DNAH11: variants seen among roughly 807,000 people sequenced by gnomAD.
The protein encoded by DNAH11 is dynein axonemal heavy chain 11.
A neutral mutation model predicts 526.0 loss-of-function variants in DNAH11; 442 were observed. That is an observed-to-expected ratio of 0.84 (90% CI 0.78 to 0.91). DNAH11 has a LOEUF of 0.91. Ranked by LOEUF, DNAH11 falls within the 40% of genes least tolerant of loss-of-function variation. DNAH11 has a pLI of 0.00. For missense variants in DNAH11, 6,989 were observed against 5,448.7 expected (o/e 1.28, Z -8.90); for synonymous variants, 2,461 against 1,935.9 (o/e 1.27, Z -7.12).
Position 21,690,869 on chromosome 7 carries a change from A to G in DNAH11, c.6029A>G (p.Lys2010Arg), listed in dbSNP as rs183609678. 2.8e-5 allele frequency: 45 copies of G among 1,611,986 alleles called. No homozygotes were observed. The African/African-American group carries it at 4.4e-4, about 16-fold the overall frequency. Residue 2010 changes from lysine (K) to arginine (R), a missense_variant, in exon 35 of 82, where the codon AAA (lysine) becomes AGA (arginine). Transcript: ENST00000409508. ...AGRTELPENL[K>R]ALFRPCAMVA... ...CGAACCGAATTACCGGAAAATCTCA[A>G]AGCTCTTTTCAGGCAAGTGTTATGC...
chr7:21,578,231 A>T (rs1393450541), intron 8 of DNAH11, among the ~76,000 whole-genome samples: 3 of 152,236 alleles, frequency 2.0e-5, no homozygotes, highest in Non-Finnish European at 4.4e-5. Context: ...GTTATCCAAG[A>T]TACAATGAAG....
At chr7:21,601,365 G>C (rs1205270323) in intron 17 of DNAH11, 31 bp from the exon 18 acceptor site, 1 of 1,571,096 alleles carries the variant, frequency 6.4e-7, no homozygotes, top group South Asian at 1.2e-5. Context: ...AACTTAATTT[G>C]TGTGTATCTA....
chr7:21,867,585 A>G (rs557194747), intron 71 of DNAH11, among the ~76,000 whole-genome samples: 1 of 152,208 alleles, frequency 6.6e-6, no homozygotes, highest in Non-Finnish European at 1.5e-5. Flanking sequence ...ACAAAGCCAT[A>G]GCAGACAGCT....
intron 65 of DNAH11, among the ~76,000 whole-genome samples, chr7:21,827,158 A>G (rs944233655): frequency 6.6e-6 from 1 of 152,250 alleles, no homozygotes; most frequent in Non-Finnish European, 1.5e-5. Flanking sequence ...CCCACACAGT[A>G]GATACCACTG....
rs561203964 is a variant in DNAH11, at chr7:21,635,948, A to C, written c.4578A>C (p.Leu1526Phe). Reference sequence around the variant, plus strand: ...AAGTGTTAAGCTGGCAAAATAAATTAAACATAGCAGACTTGGTCATCTTCA... The same window carrying C: ...AAGTGTTAAGCTGGCAAAATAAATTCAACATAGCAGACTTGGTCATCTTCA... ...IEQVLSWQNK[L>F]NIADLVIFTW... The change falls in exon 26 of 82, where the codon TTA becomes TTC. Residue 1526 changes from leucine (L) to phenylalanine (F), a missense_variant. Transcript: ENST00000409508. The C allele has an allele frequency of 2.5e-6, 4 of 1,613,488 alleles. No individual in the cohort carries two copies. The East Asian group carries it at 8.9e-5, about 36-fold the overall frequency.
At chr7:21,568,280 C>A (rs1783752091) in intron 6 of DNAH11, among the ~76,000 whole-genome samples, 1 of 152,034 alleles carries the variant, frequency 6.6e-6, no homozygotes, top group Non-Finnish European at 1.5e-5. Context: ...GTGCTGGTAC[C>A]ATTGAGTGTG....
At chr7:21,781,583 C>A (rs1184257241) in intron 57 of DNAH11, among the ~76,000 whole-genome samples, 1 of 152,168 alleles carries the variant, frequency 6.6e-6, no homozygotes, top group Non-Finnish European at 1.5e-5. Flanking sequence ...GCGCTAATAT[C>A]ATCTCTTCAA....
At chr7:21,656,244 T>C (rs1056811301) in intron 29 of DNAH11, among the ~76,000 whole-genome samples, 1 of 152,136 alleles carries the variant, frequency 6.6e-6, no homozygotes. Context: ...CTGTCACAGA[T>C]TGAATGAGTG....
chr7:21,849,765 G>A (rs1298808059), intron 66 of DNAH11, among the ~76,000 whole-genome samples: 2 of 151,918 alleles, frequency 1.3e-5, no homozygotes, highest in South Asian at 2.1e-4. Flanking sequence ...GATATTATGC[G>A]GTTTGAATAT....
chr7:21,601,624 T>A lies in DNAH11; in HGVS notation c.3648+6T>A. Reference sequence around the variant, plus strand: ...AGGTCTATATTCAGCTAGAGGTAAGTGCAGAGGTGAAATAATCATAATTAC... The same window carrying A: ...AGGTCTATATTCAGCTAGAGGTAAGAGCAGAGGTGAAATAATCATAATTAC... On this transcript the variant is annotated splice_donor_region_variant and intron_variant, in intron 18 of 81. Transcript: ENST00000409508. 2 of 1,540,448 alleles carry A rather than the reference T, an allele frequency of 1.3e-6. No individual in the cohort carries two copies. The highest frequency in any genetic ancestry group is 1.8e-6 in the Non-Finnish European group (2 of 1,141,378).
chr7:21,671,359 G>A (rs895488256), intron 30 of DNAH11, among the ~76,000 whole-genome samples: 1 of 152,084 alleles, frequency 6.6e-6, no homozygotes, highest in African/African-American at 2.4e-5. Context: ...GAGACTGCAT[G>A]GCCTACAAAT....
At chr7:21,896,252 G>A (rs1355107036) in intron 79 of DNAH11, among the ~76,000 whole-genome samples, 1 of 152,044 alleles carries the variant, frequency 6.6e-6, no homozygotes, top group Non-Finnish European at 1.5e-5. Context: ...TTTTTTATCA[G>A]AGTATAAAAT....
In DNAH11 at chr7:21,816,552, T is replaced by C. The variant is rs1283113333; in HGVS notation, c.10418T>C (p.Leu3473Pro). 1.9e-6 allele frequency: 3 copies of C among 1,613,104 alleles called. No individual in the cohort carries two copies. The highest frequency in any genetic ancestry group is 1.7e-5 in the Admixed American group (1 of 59,842). Reference sequence around the variant, plus strand: ...ATTGCCGCCTGGAATAACGAAGGACTGCCCAGTGACAGAATGTCCACCGAA... The same window carrying C: ...ATTGCCGCCTGGAATAACGAAGGACCGCCCAGTGACAGAATGTCCACCGAA... ...ATIAAWNNEG[L>P]PSDRMSTENA... Residue 3473 changes from leucine (L) to proline (P), a missense_variant, in exon 64 of 82, where the codon CTG becomes CCG. Coordinates refer to ENST00000409508, the MANE Select transcript of DNAH11 (RefSeq NM_001277115.2).
In DNAH11 at chr7:21,711,781, C is replaced by T. The variant is rs759836854; in HGVS notation, c.6904C>T (p.His2302Tyr). Reference sequence around the variant, plus strand: ...CATGAGGCTTCTGTTTGAGATACATCACTTAAGGAGCGCAACCCCGGCCAC... The same window carrying T: ...CATGAGGCTTCTGTTTGAGATACATTACTTAAGGAGCGCAACCCCGGCCAC... ...PFMRLLFEIH[H>Y]LRSATPATVS... Residue 2302 changes from histidine to tyrosine, a missense_variant, in exon 42 of 82, where the codon CAC becomes TAC. Coordinates refer to ENST00000409508, the MANE Select transcript of DNAH11 (RefSeq NM_001277115.2). 3 of 1,613,774 alleles carry T rather than the reference C, an allele frequency of 1.9e-6. No homozygotes were observed. The highest frequency in any genetic ancestry group is 2.7e-5 in the African/African-American group (2 of 74,920).
At chr7:21,846,415 G>GA (rs1395212236) in intron 66 of DNAH11, among the ~76,000 whole-genome samples, 1 of 151,972 alleles carries the variant, frequency 6.6e-6, no homozygotes, top group African/African-American at 2.4e-5. Context: ...CTAATTTGCC[G>GA]AGAGTTTTTT....
rs1359169014 is a variant in DNAH11 at position 21,543,078 on chromosome 7, G to T, written c.-168G>T. ...CTTCGGCCTGCGAGGCTACAGCTGT[G>T]CGCAGTGGCGCGGCTGCTAAGTAGC... On this transcript the variant is annotated 5_prime_UTR_variant, in exon 1 of 82. Transcript: ENST00000409508. The T allele has an allele frequency of 6.5e-6, 9 of 1,377,852 alleles. No individual in the cohort carries two copies. The South Asian group carries it at 1.1e-4, about 18-fold the overall frequency. The allele number at this position is 1,377,852 out of a possible 1,614,324, so 85.4% of individuals were successfully genotyped here.
intron 9 of DNAH11, among the ~76,000 whole-genome samples, chr7:21,583,184 C>G (rs544085320): frequency 1.3e-5 from 2 of 152,288 alleles, no homozygotes; most frequent in South Asian, 2.1e-4. Flanking sequence ...TGACTTGAAA[C>G]TACACTACAA....
intron 30 of DNAH11, among the ~76,000 whole-genome samples, chr7:21,664,070 G>A (rs1011983550): frequency 3.3e-5 from 5 of 150,168 alleles, no homozygotes; most frequent in Non-Finnish European, 5.9e-5. Context: ...CCCTTTTTAA[G>A]CACTTCAATT....
intron 12 of DNAH11, 90 bp downstream of exon 12, chr7:21,589,493 TGG>T: frequency 1.7e-6 from 2 of 1,147,878 alleles, no homozygotes; most frequent in Non-Finnish European, 2.4e-6. Context: ...AATTTACATT[TGG>T]GAAAATGTCA....
Sources: allele counts gnomAD v4.1 joint callset (sites outside exome capture counted in the v4.1 genomes callset), GRCh38; gene constraint gnomAD v4.1.1; transcripts MANE v1.5; gene names NCBI Gene and HGNC (gene_info 2026-07-23, HGNC 2026-07-21).